The following SLCO5A1 variants were observed in gnomAD, a reference collection of about 807,000 sequenced individuals.
SLCO5A1 encodes solute carrier organic anion transporter family member 5A1.
In SLCO5A1, 39 loss-of-function variants were observed where a neutral mutation model predicts 65.1. The ratio of observed to expected loss-of-function variants is 0.60; its 90% CI spans 0.46 to 0.78. The LOEUF is 0.78. Ranked by LOEUF, SLCO5A1 falls within the 30% of genes least tolerant of loss-of-function variation. The probability of loss-of-function intolerance (pLI) is 0.00; values close to 1 mark genes in which losing one functional copy is unlikely to be tolerated. For synonymous variants in SLCO5A1, 438 were observed against 415.7 expected (o/e 1.05, Z -0.65); for missense variants, 1,029 against 1,069.4 (o/e 0.96, Z 0.53).
At chr8:69,818,537 T>G (rs1820496878) in intron 2 of SLCO5A1, among the ~76,000 whole-genome samples, 1 of 152,110 alleles carries the variant, frequency 6.6e-6, no homozygotes, top group African/African-American at 2.4e-5. Context: ...AGAGGAGAGA[T>G]CAATAAAACC....
At chr8:69,814,304 A>G (rs1044737593) in intron 2 of SLCO5A1, among the ~76,000 whole-genome samples, 2 of 152,180 alleles carry the variant, frequency 1.3e-5, no homozygotes, top group Non-Finnish European at 2.9e-5. Context: ...CAAAATATAC[A>G]AGTTCAAATA....
chr8:69,772,327 C>A (rs1818353147), intron 2 of SLCO5A1, among the ~76,000 whole-genome samples: 1 of 151,748 alleles, frequency 6.6e-6, no homozygotes. Flanking sequence ...TCAAGACCAC[C>A]CTGGGCAACA....
At chr8:69,811,291 T>G (rs1820195590) in intron 2 of SLCO5A1, among the ~76,000 whole-genome samples, 3 of 152,214 alleles carry the variant, frequency 2.0e-5, no homozygotes, top group African/African-American at 7.2e-5. Flanking sequence ...AACTTGATTA[T>G]AACCAACAGC....
At chr8:69,821,321 T>A (rs1820628839) in intron 2 of SLCO5A1, among the ~76,000 whole-genome samples, 2 of 151,858 alleles carry the variant, frequency 1.3e-5, no homozygotes. Flanking sequence ...ATCAGCCCAC[T>A]GTACTCCAGC....
chr8:69,784,779 C>T (rs1818936215), intron 2 of SLCO5A1, among the ~76,000 whole-genome samples: 1 of 81,896 alleles, frequency 1.2e-5, no homozygotes, highest in South Asian at 3.6e-4. Flanking sequence ...CAGAGCAAGA[C>T]TCTGTCTGAA....
chr8:69,727,643 T>C (rs1183114558), intron 5 of SLCO5A1, among the ~76,000 whole-genome samples: 8 of 152,222 alleles, frequency 5.3e-5, no homozygotes, highest in Admixed American at 5.2e-4. Flanking sequence ...GGAAGCCTAA[T>C]AAAGTTCACC....
At chr8:69,732,519 A>C (rs1770226594) in intron 5 of SLCO5A1, among the ~76,000 whole-genome samples, 1 of 152,216 alleles carries the variant, frequency 6.6e-6, no homozygotes, top group East Asian at 1.9e-4. Flanking sequence ...AAAAAAATAA[A>C]TCGAAATGAT....
At position 69,672,655 on chromosome 8, in the gene SLCO5A1, C is replaced by CGAGA; in HGVS notation, c.*213_*214insTCTC. 1.7e-6 allele frequency: 1 copy of CGAGA among 575,432 alleles called. No individual in the cohort carries two copies. The highest frequency in any genetic ancestry group is 2.9e-5 in the East Asian group (1 of 34,890). 35.6% of individuals were successfully genotyped at this position (575,432 alleles called of 1,614,324 possible). On this transcript the variant is annotated 3_prime_UTR_variant, in exon 10 of 10. Coordinates refer to ENST00000260126, the MANE Select transcript of SLCO5A1 (RefSeq NM_030958.3). ...GGAAATGGGAACAAATCTAGCTGAA[C>CGAGA]GTCTCCTTCTTGGAGAGAAGCGGGG...
At chr8:69,718,101 T>C (rs989935948) in intron 5 of SLCO5A1, among the ~76,000 whole-genome samples, 1 of 152,214 alleles carries the variant, frequency 6.6e-6, no homozygotes, top group Non-Finnish European at 1.5e-5. Context: ...ATATAAGTTT[T>C]ACATTTCTTT....
intron 7 of SLCO5A1, 25 bp from the exon 8 acceptor site, chr8:69,679,644 T>C (rs1180562254): frequency 1.2e-6 from 2 of 1,607,528 alleles, no homozygotes; most frequent in Non-Finnish European, 1.7e-6. Context: ...TAAAGATGAG[T>C]TGTGTGCCCC....
rs772207571 is a variant in SLCO5A1 at position 69,832,327 on chromosome 8, T to C, written c.347A>G (p.Glu116Gly). The C allele has an allele frequency of 1.9e-6, 3 of 1,614,102 alleles. No homozygotes were observed. The highest frequency in any genetic ancestry group is 4.5e-5 in the East Asian group (2 of 44,872). The change falls in exon 2 of 10, where the codon GAG becomes GGG. Residue 116 changes from glutamate (E) to glycine (G), a missense_variant. By Grantham distance (98) the Glu-to-Gly change is moderately conservative (BLOSUM62 -2). This residue lies in a region of SLCO5A1 where 647 missense variants were observed against 647.5 expected (regional missense o/e 1.00). Coordinates refer to ENST00000260126, the MANE Select transcript of SLCO5A1 (RefSeq NM_030958.3). This position sits in a 1 kb window ranked among gnomAD's most constrained non-coding sequence, Gnocchi z 4.5. ...SVSSALAMLQERRCLYVVLTD... is the reference protein window; with the variant it reads ...SVSSALAMLQGRRCLYVVLTD... ...GAGGACCACGTAGAGGCACCTTCTC[T>C]CCTGGAGCATGGCCAAGGCGGAGGA...
intron 2 of SLCO5A1, among the ~76,000 whole-genome samples, chr8:69,771,350 A>T (rs1472202502): frequency 6.6e-6 from 1 of 152,206 alleles, no homozygotes; most frequent in African/African-American, 2.4e-5. Context: ...TATTTTAAAA[A>T]TTAACTTTCA....
intron 5 of SLCO5A1, among the ~76,000 whole-genome samples, chr8:69,707,167 A>G (rs549154191): frequency 6.6e-6 from 1 of 152,342 alleles, no homozygotes; most frequent in South Asian, 2.1e-4. Context: ...AAAATAAAAT[A>G]AAGAAATCAT....
intron 5 of SLCO5A1, among the ~76,000 whole-genome samples, chr8:69,724,798 A>T (rs1310028805): frequency 6.6e-6 from 1 of 152,174 alleles, no homozygotes; most frequent in East Asian, 1.9e-4. Flanking sequence ...ATCTCTGGGG[A>T]AATAAGAGGC....
At chr8:69,756,896 G>A (rs1026403452) in intron 3 of SLCO5A1, among the ~76,000 whole-genome samples, 1 of 152,196 alleles carries the variant, frequency 6.6e-6, no homozygotes, top group East Asian at 1.9e-4. Context: ...GGGTAGCCAC[G>A]TTCTAACTAT....
chr8:69,686,530 C>A (rs1476811811), intron 6 of SLCO5A1, among the ~76,000 whole-genome samples: 2 of 152,186 alleles, frequency 1.3e-5, no homozygotes, highest in Non-Finnish European at 2.9e-5. Context: ...CCTGAGATCT[C>A]AGCATAAGTT....
intron 6 of SLCO5A1, among the ~76,000 whole-genome samples, chr8:69,684,420 G>C (rs1347482885): frequency 2.0e-5 from 3 of 152,136 alleles, no homozygotes; most frequent in Admixed American, 6.5e-5. Flanking sequence ...GCCAAATCCA[G>C]GAGAACCAAG....
chr8:69,739,812 G>A (rs2130844993), intron 4 of SLCO5A1, among the ~76,000 whole-genome samples: 1 of 152,128 alleles, frequency 6.6e-6, no homozygotes, highest in East Asian at 1.9e-4. Context: ...ACAGCCTCTT[G>A]TAAACACTGT....
At chr8:69,677,065 T>G (rs888147462) in intron 8 of SLCO5A1, among the ~76,000 whole-genome samples, 1 of 148,810 alleles carries the variant, frequency 6.7e-6, no homozygotes, top group Non-Finnish European at 1.5e-5. Flanking sequence ...TTTTTGCCTG[T>G]GTGCCTGCAT....
Sources: gnomAD v4.1 joint callset for allele counts (sites outside exome capture counted in the v4.1 genomes callset) on GRCh38, gnomAD v4.1.1 for gene constraint, gnomAD v4.1.1 regional missense constraint, Gnocchi (gnomAD v3.1) non-coding constraint, MANE v1.5 for transcripts, NCBI Gene and HGNC (gene_info 2026-07-23, HGNC 2026-07-21) for gene names.